Variants in MFSD6 observed in about 807,000 individuals in gnomAD.
MFSD6 encodes major facilitator superfamily domain-containing protein 6.
In MFSD6, 26 loss-of-function variants were observed where a neutral mutation model predicts 56.3. That is an observed-to-expected ratio of 0.46 (90% CI 0.34 to 0.64). MFSD6 has a LOEUF of 0.64. Ranked by LOEUF, MFSD6 falls within the 30% of genes least tolerant of loss-of-function variation. MFSD6 has a pLI of 0.01. For missense variants in MFSD6, 750 were observed against 986.2 expected, an observed-to-expected ratio of 0.76 and a Z score of 3.21; for synonymous variants, 331 against 366.9, an observed-to-expected ratio of 0.90 and a Z score of 1.12.
intron 4 of MFSD6, among the ~76,000 whole-genome samples, chr2:190,483,732 G>T (rs1283962214): frequency 6.6e-6 from 1 of 151,704 alleles, no homozygotes; most frequent in Non-Finnish European, 1.5e-5. Flanking sequence ...CTACTCGGAA[G>T]GCTGAGGCAG....
In MFSD6 at chr2:190,454,590, G is replaced by T. The variant is rs982165645; in HGVS notation, c.1533-15168G>T. On this transcript the variant is annotated intron_variant, in intron 3 of 7. Coordinates refer to ENST00000392328, the MANE Select transcript of MFSD6 (RefSeq NM_017694.4). The surrounding 1 kb of genome is among the most constrained non-coding windows in gnomAD (Gnocchi z 4.6). ...CTACCATATGAGGACACTGTAAGAA[G>T]GTGGTCATCTACAAGCCAGGAAGAG... 3.9e-5 allele frequency: 6 copies of T among 152,122 alleles called. No individual in the cohort carries two copies. Among genetic ancestry groups the T allele is most frequent in the African/African-American group, 1.4e-4 (6 of 41,398 alleles). 9.4% of individuals were successfully genotyped at this position (152,122 alleles called of 1,614,324 possible). A position where few individuals can be genotyped will look rare whatever the true frequency, so the allele number is the denominator to read the frequency against.
chr2:190,478,028 C>T (rs1414729251), intron 4 of MFSD6, among the ~76,000 whole-genome samples: 1 of 152,104 alleles, frequency 6.6e-6, no homozygotes, highest in Admixed American at 6.5e-5. Flanking sequence ...GGGGCTAGGG[C>T]TTGAAGCATT....
In MFSD6 at chr2:190,488,800, G is replaced by C. The variant is rs370395034; in HGVS notation, c.1774G>C (p.Val592Leu). ...AGGATGTGGTGCCATGATCGGAGGC[G>C]TGTTAGTCAATTATTTTGGTAAGAA... ...GRGCGAMIGG[V>L]LVNYFGAAAT... Residue 592 changes from valine (V) to leucine (L), a missense_variant, in exon 5 of 8, where the codon GTG becomes CTG. By Grantham distance (32) the Val-to-Leu change is conservative (BLOSUM62 1). Transcript: ENST00000392328. The surrounding 1 kb of genome is among the most constrained non-coding windows in gnomAD (Gnocchi z 6.4). 1 of 1,572,776 alleles carries C rather than the reference G, an allele frequency of 6.4e-7. No individual in the cohort carries two copies. Among genetic ancestry groups the C allele is most frequent in the South Asian group, 1.2e-5 (1 of 83,602 alleles).
At chr2:190,441,004 T>C (rs1264250224) in intron 3 of MFSD6, among the ~76,000 whole-genome samples, 5 of 152,158 alleles carry the variant, frequency 3.3e-5, no homozygotes, top group Non-Finnish European at 5.9e-5. Flanking sequence ...ACTGGAGGAA[T>C]AGCAGTAAGT....
rs1687547660 is a variant in MFSD6, at chr2:190,465,359, C to T, written c.1533-4399C>T. ...ACTGACTTCCTGTTCTGAAATAGGA[C>T]AGTCATGCTGTTTTTGAGTTTTATC... On this transcript the variant is annotated intron_variant, in intron 3 of 7. Coordinates refer to ENST00000392328, the MANE Select transcript of MFSD6 (RefSeq NM_017694.4). This position sits in a 1 kb window ranked among gnomAD's most constrained non-coding sequence, Gnocchi z 4.6. Among the ~76,000 whole-genome samples the T allele has an allele frequency of 6.6e-6, 1 of 152,250 alleles. No individual in the cohort carries two copies. The highest frequency in any genetic ancestry group is 1.9e-4 in the East Asian group (1 of 5,188).
At position 190,500,571 on chromosome 2, in the gene MFSD6, G is replaced by A. The variant is rs2125283812; in HGVS notation, c.*353G>A. The A allele has an allele frequency of 4.7e-6, 1 of 210,590 alleles. No homozygotes were observed. The highest frequency in any genetic ancestry group is 1.1e-4 in the South Asian group (1 of 9,022). 13.0% of individuals were successfully genotyped at this position (210,590 alleles called of 1,614,324 possible). Reference sequence around the variant, plus strand: ...GTGGAGGGAATGAAAGTGTTTCGAGGTGAATGTGGATATAATTTCCCTCTT... The same window carrying A: ...GTGGAGGGAATGAAAGTGTTTCGAGATGAATGTGGATATAATTTCCCTCTT... On this transcript the variant is annotated 3_prime_UTR_variant, in exon 8 of 8. Coordinates refer to ENST00000392328, the MANE Select transcript of MFSD6 (RefSeq NM_017694.4). This position sits in a 1 kb window ranked among gnomAD's most constrained non-coding sequence, Gnocchi z 5.3.
rs1266820552 is a variant in MFSD6 at position 190,462,595 on chromosome 2, C to T, written c.1533-7163C>T. On this transcript the variant is annotated intron_variant, in intron 3 of 7. Transcript: ENST00000392328. The surrounding 1 kb of genome is among the most constrained non-coding windows in gnomAD (Gnocchi z 5.7). The stretch of plus-strand genomic sequence containing the variant: ...TCCCAGGGTCTCAGTCTTCAGTGTG[C>T]AACAGACTGTGATGAGTCCTCTAAT... 6.6e-6 allele frequency among the ~76,000 whole-genome samples: 1 copy of T among 152,098 alleles called. No individual in the cohort carries two copies. Among genetic ancestry groups the T allele is most frequent in the Non-Finnish European group, 1.5e-5 (1 of 68,018 alleles).
chr2:190,454,939 T>C lies in MFSD6; in HGVS notation c.1533-14819T>C, dbSNP rs1480136057. On this transcript the variant is annotated intron_variant, in intron 3 of 7. Coordinates refer to ENST00000392328, the MANE Select transcript of MFSD6 (RefSeq NM_017694.4). The surrounding 1 kb of genome is among the most constrained non-coding windows in gnomAD (Gnocchi z 4.6). ...TATGTGTTCCTGGTTTCTGTATGTATATGTATATGTATATGTATATGTATA... is the reference window on the plus strand; with the variant it reads ...TATGTGTTCCTGGTTTCTGTATGTACATGTATATGTATATGTATATGTATA... 2.4e-5 allele frequency among the ~76,000 whole-genome samples: 1 copy of C among 41,492 alleles called. No individual in the cohort carries two copies. Among genetic ancestry groups the C allele is most frequent in the Non-Finnish European group, 6.2e-5 (1 of 16,222 alleles). The allele number at this position is 41,492 out of a possible 152,430, so 27.2% of individuals were successfully genotyped here.
rs56676240 is a variant in MFSD6, at chr2:190,454,932, G to GTATGTATATGTA, written c.1533-14769_1533-14758dup. ...GTATGTATATGTGTTCCTGGTTTCTGTATGTATATGTATATGTATATGTAT... is the reference window on the plus strand; with the variant it reads ...GTATGTATATGTGTTCCTGGTTTCTGTATGTATATGTATATGTATATGTATATGTATATGTAT... On this transcript the variant is annotated intron_variant, in intron 3 of 7. Coordinates refer to ENST00000392328, the MANE Select transcript of MFSD6 (RefSeq NM_017694.4). This position sits in a 1 kb window ranked among gnomAD's most constrained non-coding sequence, Gnocchi z 4.6. 0.047 allele frequency among the ~76,000 whole-genome samples: 6,259 copies of GTATGTATATGTA among 132,866 alleles called. 319 individuals are homozygous for GTATGTATATGTA. Among genetic ancestry groups the GTATGTATATGTA allele is most frequent in the East Asian group, 0.12 (533 of 4,358 alleles). The allele number at this position is 132,866 out of a possible 152,430, so 87.2% of individuals were successfully genotyped here.
chr2:190,448,013 A>G (rs1686645552), intron 3 of MFSD6, among the ~76,000 whole-genome samples: 1 of 152,214 alleles, frequency 6.6e-6, no homozygotes, highest in African/African-American at 2.4e-5. Flanking sequence ...TTTTACTGGC[A>G]TCACATGGTT....
rs868045293 is a variant in MFSD6 at position 190,416,053 on chromosome 2, C to G, written c.-54+640C>G. ...TTGAAAGGTAGAAGGAAATGAAGTT[C>G]TGGGGCCTGCTTCAAATTTATATTA... On this transcript the variant is annotated intron_variant, in intron 2 of 7. Coordinates refer to ENST00000392328, the MANE Select transcript of MFSD6 (RefSeq NM_017694.4). This position sits in a 1 kb window ranked among gnomAD's most constrained non-coding sequence, Gnocchi z 4.1. 2.6e-5 allele frequency among the ~76,000 whole-genome samples: 4 copies of G among 152,140 alleles called. No homozygotes were observed. Among genetic ancestry groups the G allele is most frequent in the Non-Finnish European group, 5.9e-5 (4 of 68,030 alleles).
chr2:190,422,719 A>G (rs1685665480), intron 2 of MFSD6, among the ~76,000 whole-genome samples: 1 of 152,144 alleles, frequency 6.6e-6, no homozygotes, highest in African/African-American at 2.4e-5. Flanking sequence ...TAGGTGGGTC[A>G]TTTCACTCAG....
Position 190,489,180 on chromosome 2 carries a change from C to T in MFSD6, c.1792+362C>T, listed in dbSNP as rs867247059. Among the ~76,000 whole-genome samples the T allele has an allele frequency of 7.9e-5, 12 of 152,150 alleles. No homozygotes were observed. Among genetic ancestry groups the T allele is most frequent in the South Asian group, 4.1e-4 (2 of 4,820 alleles). On this transcript the variant is annotated intron_variant, in intron 5 of 7. Coordinates refer to ENST00000392328, the MANE Select transcript of MFSD6 (RefSeq NM_017694.4). This position sits in a 1 kb window ranked among gnomAD's most constrained non-coding sequence, Gnocchi z 6.6. ...GGAAATAAAATTCATCATTGTTATTCCATTAGGAGATTTTGAACCAGAAGA... is the reference window on the plus strand; with the variant it reads ...GGAAATAAAATTCATCATTGTTATTTCATTAGGAGATTTTGAACCAGAAGA...
At chr2:190,420,864 T>C (rs567094034) in intron 2 of MFSD6, among the ~76,000 whole-genome samples, 29 of 152,240 alleles carry the variant, frequency 1.9e-4, no homozygotes, top group South Asian at 2.1e-4. Flanking sequence ...ACAGTTTTGT[T>C]TGTCTTTTAA....
rs981590674 is a variant in MFSD6 at position 190,496,681 on chromosome 2, T to G, written c.1892-758T>G. ...ATATGTGTGTGTATGTGTGTGTGTA[T>G]ATACACACACACACATATACATACA... On this transcript the variant is annotated intron_variant, in intron 6 of 7. Coordinates refer to ENST00000392328, the MANE Select transcript of MFSD6 (RefSeq NM_017694.4). The surrounding 1 kb of genome is among the most constrained non-coding windows in gnomAD (Gnocchi z 4.7). Among the ~76,000 whole-genome samples, 1 of 151,882 alleles carries G rather than the reference T, an allele frequency of 6.6e-6. No individual in the cohort carries two copies. Among genetic ancestry groups the G allele is most frequent in the African/African-American group, 2.4e-5 (1 of 41,338 alleles).
At chr2:190,419,736 A>G (rs940579184) in intron 2 of MFSD6, among the ~76,000 whole-genome samples, 3 of 152,268 alleles carry the variant, frequency 2.0e-5, no homozygotes, top group African/African-American at 7.2e-5. Flanking sequence ...TAATGAAGAA[A>G]GCTATCAGTT....
intron 4 of MFSD6, among the ~76,000 whole-genome samples, chr2:190,473,853 A>G (rs1559131923): frequency 6.6e-6 from 1 of 152,224 alleles, no homozygotes; most frequent in East Asian, 1.9e-4. Context: ...AACAGAAATT[A>G]TAACAAACTG....
Position 190,438,514 on chromosome 2 carries a change from T to TA in MFSD6, c.1532+960dup, listed in dbSNP as rs1209457818. On this transcript the variant is annotated intron_variant, in intron 3 of 7. Coordinates refer to ENST00000392328, the MANE Select transcript of MFSD6 (RefSeq NM_017694.4). This position sits in a 1 kb window ranked among gnomAD's most constrained non-coding sequence, Gnocchi z 5.2. ...CTGGGCAACAGAGTGAGACTCCATCTAAAAAAAGAGAACACCCTGTAAGTG... is the reference window on the plus strand; with the variant it reads ...CTGGGCAACAGAGTGAGACTCCATCTAAAAAAAAGAGAACACCCTGTAAGTG... Among the ~76,000 whole-genome samples the TA allele has an allele frequency of 1.3e-5, 2 of 152,138 alleles. No homozygotes were observed. The highest frequency in any genetic ancestry group is 2.9e-5 in the Non-Finnish European group (2 of 68,014).
chr2:190,455,000 A>ATGTATATGTATT lies in MFSD6; in HGVS notation c.1533-14758_1533-14757insTGTATATGTATT, dbSNP rs1553519571. 2.1e-5 allele frequency among the ~76,000 whole-genome samples: 1 copy of ATGTATATGTATT among 46,604 alleles called. No individual in the cohort carries two copies. Among genetic ancestry groups the ATGTATATGTATT allele is most frequent in the East Asian group, 7.6e-4 (1 of 1,314 alleles). 30.6% of individuals were successfully genotyped at this position (46,604 alleles called of 152,430 possible). On this transcript the variant is annotated intron_variant, in intron 3 of 7. Coordinates refer to ENST00000392328, the MANE Select transcript of MFSD6 (RefSeq NM_017694.4). This position sits in a 1 kb window ranked among gnomAD's most constrained non-coding sequence, Gnocchi z 4.6. ...TATGTATATGTATATGTATATGTATAATGTATATGTATATGTATATGTGTG... is the reference window on the plus strand; with the variant it reads ...TATGTATATGTATATGTATATGTATATGTATATGTATTATGTATATGTATATGTATATGTGTG...
Sources: gnomAD v4.1 joint callset for allele counts (sites outside exome capture counted in the v4.1 genomes callset) on GRCh38, gnomAD v4.1.1 for gene constraint, Gnocchi (gnomAD v3.1) non-coding constraint, MANE v1.5 for transcripts, NCBI Gene and HGNC (gene_info 2026-07-23, HGNC 2026-07-21) for gene names.